Variants in PRKG1 observed in about 807,000 individuals in gnomAD.
PRKG1 encodes the protein cGMP-dependent protein kinase 1.
In PRKG1, 35 loss-of-function variants were observed where a neutral mutation model predicts 88.1. The observed-to-expected ratio is 0.40, with a 90% CI of 0.30 to 0.53. The LOEUF is 0.53. PRKG1 is among the 20% of genes least tolerant of loss of function. The pLI, the probability that PRKG1 is intolerant of heterozygous loss-of-function variation, is 0.59. For missense variants in PRKG1, 540 were observed against 839.8 expected (o/e 0.64, Z 4.41); for synonymous variants, 303 against 292.5 (o/e 1.04, Z -0.37).
At chr10:51,645,132 T>C (rs1839886139) in intron 3 of PRKG1, among the ~76,000 whole-genome samples, 1 of 152,210 alleles carries the variant, frequency 6.6e-6, no homozygotes. Context: ...TCTTGGTCAT[T>C]GTTTCTAAGC....
At chr10:51,933,136 C>T (rs1342206817) in intron 5 of PRKG1, among the ~76,000 whole-genome samples, 1 of 152,042 alleles carries the variant, frequency 6.6e-6, no homozygotes, top group Non-Finnish European at 1.5e-5. Flanking sequence ...ACTGTGTTTC[C>T]TAATTACAAT....
At chr10:51,766,671 A>G (rs1838171401) in intron 3 of PRKG1, among the ~76,000 whole-genome samples, 1 of 152,100 alleles carries the variant, frequency 6.6e-6, no homozygotes, top group Non-Finnish European at 1.5e-5. Context: ...CTCTTCCTAT[A>G]AGAACACTGA....
chr10:51,336,586 C>T (rs1386644215), intron 2 of PRKG1, among the ~76,000 whole-genome samples: 1 of 152,108 alleles, frequency 6.6e-6, no homozygotes, highest in African/African-American at 2.4e-5. Context: ...ACAGTGTTTT[C>T]TGCAACCGCT....
intron 3 of PRKG1, among the ~76,000 whole-genome samples, chr10:51,710,890 G>A (rs1461983577): frequency 6.6e-6 from 1 of 151,974 alleles, no homozygotes; most frequent in Non-Finnish European, 1.5e-5. Context: ...TAGAGATGGG[G>A]GTCTCCCTAT....
At chr10:51,244,678 T>G (rs1276070395) in intron 2 of PRKG1, among the ~76,000 whole-genome samples, 1 of 152,096 alleles carries the variant, frequency 6.6e-6, no homozygotes, top group Non-Finnish European at 1.5e-5. Context: ...AAGACTACAT[T>G]TTAGCATGTT....
chr10:52,006,406 T>A (rs10823948), intron 5 of PRKG1, among the ~76,000 whole-genome samples: 44,907 of 151,924 alleles, frequency 0.3, 6,763 homozygotes, highest in Non-Finnish European at 0.33. Flanking sequence ...ATACAGGAGC[T>A]GATATACAAA....
intron 2 of PRKG1, among the ~76,000 whole-genome samples, chr10:51,318,675 A>G (rs1564444478): frequency 6.6e-6 from 1 of 152,188 alleles, no homozygotes; most frequent in East Asian, 1.9e-4. Flanking sequence ...GGGGGATTTA[A>G]AGATTACTTT....
At chr10:51,203,017 C>A (rs546549461) in intron 2 of PRKG1, among the ~76,000 whole-genome samples, 1 of 152,056 alleles carries the variant, frequency 6.6e-6, no homozygotes, top group East Asian at 1.9e-4. Context: ...ACAATGATGT[C>A]AACGGGGTGA....
At chr10:51,766,275 A>G (rs894606176) in intron 3 of PRKG1, among the ~76,000 whole-genome samples, 2 of 152,154 alleles carry the variant, frequency 1.3e-5, no homozygotes, top group Admixed American at 1.3e-4. Context: ...CATTTGCATA[A>G]GGCACACATT....
chr10:50,997,837 A>T (rs1049502920), intron 1 of PRKG1, among the ~76,000 whole-genome samples: 5 of 152,220 alleles, frequency 3.3e-5, no homozygotes, highest in Non-Finnish European at 7.3e-5. Context: ...AGTAAAAAAT[A>T]ATAATTTAAG....
rs544277554 is a variant in PRKG1, at chr10:51,789,832, T to G, written c.593-14753T>G. ...TAACACAATATCAGTCATTCTCTCT[T>G]TTTTTTTTAGATGGAGTCTTGCTTT... On this transcript the variant is annotated intron_variant, in intron 3 of 17. Coordinates refer to ENST00000373980, the MANE Select transcript of PRKG1 (RefSeq NM_006258.4). 8.2e-4 allele frequency among the ~76,000 whole-genome samples: 124 copies of G among 150,332 alleles called. 5 individuals carry two copies. In the South Asian group the frequency reaches 0.025, roughly 30 times the overall value.
Position 51,620,363 on chromosome 10 carries a change from TA to T in PRKG1, c.592+152528del, listed in dbSNP as rs1199428933. Among the ~76,000 whole-genome samples the T allele has an allele frequency of 1.2e-3, 189 of 152,228 alleles. 1 individual carries two copies. Among genetic ancestry groups the T allele is most frequent in the Middle Eastern group, 6.8e-3 (2 of 294 alleles). On this transcript the variant is annotated intron_variant, in intron 3 of 17. Coordinates refer to ENST00000373980, the MANE Select transcript of PRKG1 (RefSeq NM_006258.4). Reference sequence around the variant, plus strand: ...TAAGTTCTGTGGTCATTTGGCTCTCTATTCACCCTAGACACTAAAGATACCA... The same window carrying T: ...TAAGTTCTGTGGTCATTTGGCTCTCTTTCACCCTAGACACTAAAGATACCA...
chr10:52,008,332 T>G (rs986173195), intron 5 of PRKG1, among the ~76,000 whole-genome samples: 1 of 151,996 alleles, frequency 6.6e-6, no homozygotes, highest in African/African-American at 2.4e-5. Context: ...CATCAACAGA[T>G]GTAGGTGTTG....
chr10:51,265,100 T>TA (rs909720066), intron 2 of PRKG1, among the ~76,000 whole-genome samples: 3 of 151,478 alleles, frequency 2.0e-5, no homozygotes, highest in South Asian at 2.1e-4. Context: ...ATTCTTTTTT[T>TA]AAAAAAAAAG....
At chr10:51,376,411 C>A (rs969279821) in intron 2 of PRKG1, among the ~76,000 whole-genome samples, 5 of 152,192 alleles carry the variant, frequency 3.3e-5, no homozygotes, top group South Asian at 4.2e-4. Flanking sequence ...ATGATTAAAT[C>A]TTTCACCATA....
chr10:52,102,183 T>G (rs1375679595), intron 7 of PRKG1, among the ~76,000 whole-genome samples: 1 of 152,184 alleles, frequency 6.6e-6, no homozygotes, highest in African/African-American at 2.4e-5. Context: ...CAGTTTTTTT[T>G]GTTTTGTTTT....
chr10:51,326,389 T>C (rs1227822598), intron 2 of PRKG1, among the ~76,000 whole-genome samples: 1 of 152,224 alleles, frequency 6.6e-6, no homozygotes, highest in East Asian at 1.9e-4. Flanking sequence ...CTGGCATTCC[T>C]ATGGCTATTT....
intron 5 of PRKG1, among the ~76,000 whole-genome samples, chr10:51,915,948 C>T (rs993492406): frequency 6.6e-6 from 1 of 152,094 alleles, no homozygotes; most frequent in Non-Finnish European, 1.5e-5. Context: ...ACATAATAGA[C>T]AATAACAAGT....
intron 2 of PRKG1, among the ~76,000 whole-genome samples, chr10:51,154,646 A>G (rs1846161470): frequency 6.6e-6 from 1 of 151,978 alleles, no homozygotes. Flanking sequence ...TTTTGGATAT[A>G]TGTTAGGCAT....
Sources: allele counts gnomAD v4.1 joint callset (sites outside exome capture counted in the v4.1 genomes callset), GRCh38; gene constraint gnomAD v4.1.1; transcripts MANE v1.5; gene names NCBI Gene and HGNC (gene_info 2026-07-23, HGNC 2026-07-21).